The following ATG7 variants were observed in gnomAD, a reference collection of about 807,000 sequenced individuals.
ATG7 encodes the protein ubiquitin-like modifier-activating enzyme ATG7.
Under a neutral mutation model 82.4 loss-of-function variants are expected in ATG7, and 70 were observed. The ratio of observed to expected loss-of-function variants is 0.85; its 90% CI spans 0.70 to 1.04. ATG7 has a LOEUF of 1.04. ATG7 is among the 50% of genes least tolerant of loss of function. The pLI is 0.00. For missense variants in ATG7, 792 were observed against 864.3 expected (o/e 0.92, Z 1.05); for synonymous variants, 287 against 313.0 (o/e 0.92, Z 0.88).
intron 9 of ATG7, among the ~76,000 whole-genome samples, chr3:11,316,101 C>T (rs1469888567): frequency 6.6e-6 from 1 of 152,034 alleles, no homozygotes. Context: ...AATTTTTATT[C>T]CCAGAACTAC....
intron 2 of ATG7, among the ~76,000 whole-genome samples, chr3:11,281,850 G>T (rs547527725): frequency 1.3e-5 from 2 of 151,738 alleles, no homozygotes; most frequent in East Asian, 1.9e-4. Flanking sequence ...GCCTTTGCTT[G>T]GCCCAGTTTT....
chr3:11,334,492 C>T (rs1316892221), intron 11 of ATG7, among the ~76,000 whole-genome samples: 2 of 151,786 alleles, frequency 1.3e-5, no homozygotes, highest in African/African-American at 4.8e-5. Context: ...GATCCACCCA[C>T]CTTGGCCTCC....
At chr3:11,573,320 A>C in the ATG7 span, among the ~76,000 whole-genome samples, 79 of 27,334 alleles carry the variant, frequency 2.9e-3, no homozygotes, top group African/African-American at 7.2e-3. Flanking sequence ...AGGAAGGAAG[A>C]AAGAAAGAAA....
intron 14 of ATG7, chr3:11,348,273 C>T (rs1044827974): frequency 6.1e-5 from 29 of 478,256 alleles, no homozygotes; most frequent in Middle Eastern, 5.6e-4. Flanking sequence ...TCCTTCAGTG[C>T]GTTCTTGGTC....
At chr3:11,408,390 G>C (rs1301575413) in intron 19 of ATG7, among the ~76,000 whole-genome samples, 2 of 152,162 alleles carry the variant, frequency 1.3e-5, no homozygotes, top group African/African-American at 2.4e-5. Context: ...ACATTTTGCT[G>C]TCTTCTTCTG....
the ATG7 span, chr3:11,568,932 C>T: frequency 8.0e-7 from 1 of 1,243,046 alleles, no homozygotes; most frequent in South Asian, 1.9e-5. The surrounding 1 kb of genome is among the most constrained non-coding windows in gnomAD (Gnocchi z 5.9). Flanking sequence ...ACTTCCACTG[C>T]CAGCTGCCCA....
Position 11,340,687 on chromosome 3 carries a change from GC to G in ATG7, c.933del (p.Met312TrpfsTer6). On this transcript the variant is annotated frameshift_variant, in exon 12 of 21. Transcript: ENST00000693202. LOFTEE classifies it high-confidence loss of function. ...AVGWEKNQKG[G>X]MGPRMVNLSE... ...GGATGGGAAAAGAACCAGAAAGGAG[GC>G]ATGGGACCAAGGATGGTGAACCTCA... 6.2e-7 allele frequency: 1 copy of G among 1,613,808 alleles called. No homozygotes were observed. The highest frequency in any genetic ancestry group is 8.5e-7 in the Non-Finnish European group (1 of 1,179,846).
At chr3:11,410,840 T>C (rs972891366) in intron 19 of ATG7, among the ~76,000 whole-genome samples, 1 of 152,236 alleles carries the variant, frequency 6.6e-6, no homozygotes, top group African/African-American at 2.4e-5. Context: ...ATCCACATTT[T>C]AGCTATTGTG....
chr3:11,516,348 T>TA (rs879878981), intron 20 of ATG7, among the ~76,000 whole-genome samples: 40 of 145,694 alleles, frequency 2.7e-4, no homozygotes, highest in Non-Finnish European at 3.5e-4. Flanking sequence ...ATAATAAAAT[T>TA]AAAAAAAAAA....
At position 11,278,410 on chromosome 3, in the gene ATG7, G is replaced by A. The variant is rs576176760; in HGVS notation, c.-365-2584G>A. 4.6e-5 allele frequency among the ~76,000 whole-genome samples: 7 copies of A among 152,248 alleles called. No individual in the cohort carries two copies. The South Asian group carries it at 1.0e-3, about 23-fold the overall frequency. On this transcript the variant is annotated intron_variant, in intron 1 of 20. Coordinates refer to ENST00000693202, the MANE Select transcript of ATG7 (RefSeq NM_001349232.2). ...ATGTCCATATTAAAATGAAATCTTCGCAATTTATGTTTCTCTGCTGCAGCT... is the reference window on the plus strand; with the variant it reads ...ATGTCCATATTAAAATGAAATCTTCACAATTTATGTTTCTCTGCTGCAGCT...
chr3:11,300,655 C>G (rs1193613121), intron 5 of ATG7, among the ~76,000 whole-genome samples: 1 of 152,148 alleles, frequency 6.6e-6, no homozygotes, highest in African/African-American at 2.4e-5. Context: ...AAGATAGTCT[C>G]CAACTTATGG....
chr3:11,431,104 A>G (rs761688290), intron 20 of ATG7, among the ~76,000 whole-genome samples: 3 of 152,246 alleles, frequency 2.0e-5, no homozygotes, highest in African/African-American at 7.2e-5. Flanking sequence ...CACATACCAT[A>G]AAACACACCA....
At chr3:11,528,400 T>G (rs542718011) in intron 20 of ATG7, among the ~76,000 whole-genome samples, 191 of 152,142 alleles carry the variant, frequency 1.3e-3, no homozygotes, top group Admixed American at 2.9e-3. Flanking sequence ...ATCCGGGAAG[T>G]CAGATGGTCA....
At chr3:11,320,780 TG>T (rs1263451243) in intron 9 of ATG7, among the ~76,000 whole-genome samples, 1 of 152,242 alleles carries the variant, frequency 6.6e-6, no homozygotes, top group Non-Finnish European at 1.5e-5. Context: ...GACTGGAGAT[TG>T]CTCATGGGAA....
At chr3:11,478,989 A>AACACACACACAC (rs71628717) in intron 20 of ATG7, among the ~76,000 whole-genome samples, 31 of 73,056 alleles carry the variant, frequency 4.2e-4, no homozygotes, top group East Asian at 9.4e-4. Context: ...GTATATTTAC[A>AACACACACACAC]ACACACACAC....
chr3:11,529,895 C>T (rs1358402034), intron 20 of ATG7: 1 of 152,314 alleles, frequency 6.6e-6, no homozygotes, highest in Non-Finnish European at 1.5e-5. Flanking sequence ...CTCCTTTGCC[C>T]TTTTCTTACT....
At chr3:11,441,016 A>G (rs1274597286) in intron 20 of ATG7, among the ~76,000 whole-genome samples, 3 of 152,038 alleles carry the variant, frequency 2.0e-5, no homozygotes, top group Non-Finnish European at 4.4e-5. Context: ...CTGGTGAAAA[A>G]AATTCAGTAT....
In ATG7 at chr3:11,554,885, T is replaced by G. The variant is rs2072260089; in HGVS notation, c.*42T>G. On this transcript the variant is annotated 3_prime_UTR_variant, in exon 21 of 21. Coordinates refer to ENST00000693202, the MANE Select transcript of ATG7 (RefSeq NM_001349232.2). ...GGCTGACTTCTCCCCGGCCGCCTGC[T>G]GAGGAGCTCTCCATCGCCAGAGCAG... is the stretch of plus-strand genomic sequence containing the variant. The G allele has an allele frequency of 6.2e-7, 1 of 1,605,284 alleles. No individual in the cohort carries two copies. The highest frequency in any genetic ancestry group is 8.5e-7 in the Non-Finnish European group (1 of 1,177,000).
downstream of ATG7, chr3:11,559,449 G>A (rs2072762946): frequency 1.3e-6 from 2 of 1,561,566 alleles, no homozygotes; most frequent in Non-Finnish European, 1.7e-6. Context: ...ATCACGGAGG[G>A]CCGGTTCTGC....
Sources: gnomAD v4.1 joint callset for allele counts (sites outside exome capture counted in the v4.1 genomes callset) on GRCh38, gnomAD v4.1.1 for gene constraint, Gnocchi (gnomAD v3.1) non-coding constraint, MANE v1.5 for transcripts, NCBI Gene and HGNC (gene_info 2026-07-23, HGNC 2026-07-21) for gene names.